Variants in OR1B1 observed in about 807,000 individuals in gnomAD.
OR1B1 encodes the protein olfactory receptor 1B1.
For synonymous variants in OR1B1, 168 were observed against 156.2 expected (o/e 1.08, Z -0.57); for missense variants, 414 against 402.1 (o/e 1.03, Z -0.25).
At chr9:122,647,808 G>A in the OR1B1 span, among the ~76,000 whole-genome samples, 1 of 152,190 alleles carries the variant, frequency 6.6e-6, no homozygotes, top group African/African-American at 2.4e-5. Context: ...GATGCCCAAA[G>A]CAAGCACTCA....
chr9:122,648,125 A>G, the OR1B1 span, among the ~76,000 whole-genome samples: 2 of 152,192 alleles, frequency 1.3e-5, no homozygotes, highest in African/African-American at 4.8e-5. Context: ...TTTCAGGCCA[A>G]TTTCCCTGAT....
the OR1B1 span, among the ~76,000 whole-genome samples, chr9:122,648,030 C>T: frequency 6.6e-6 from 1 of 151,984 alleles, no homozygotes; most frequent in Non-Finnish European, 1.5e-5. Context: ...AGCTCTGTAC[C>T]AGGCTAATGA....
chr9:122,646,184 A>C, the OR1B1 span, among the ~76,000 whole-genome samples: 3 of 152,170 alleles, frequency 2.0e-5, no homozygotes, highest in African/African-American at 7.2e-5. Flanking sequence ...AAATCAAAAA[A>C]CATATAATGG....
chr9:122,632,154 A>G (rs559821665), upstream of OR1B1, among the ~76,000 whole-genome samples: 135 of 152,322 alleles, frequency 8.9e-4, 1 homozygote, highest in Middle Eastern at 0.024. Flanking sequence ...TCTATTCATT[A>G]TGAAGATACT....
At chr9:122,628,477 G>A (rs1011703239), downstream of OR1B1, 9 of 736,158 alleles carry the variant, frequency 1.2e-5, no homozygotes, top group East Asian at 9.9e-5. Flanking sequence ...AGTTCCTTAA[G>A]TTATCTAGGC....
chr9:122,645,963 AAAT>A, the OR1B1 span, among the ~76,000 whole-genome samples: 1 of 152,174 alleles, frequency 6.6e-6, no homozygotes, highest in Non-Finnish European at 1.5e-5. Context: ...AAACCATCAA[AAAT>A]AATAACAACA....
chr9:122,654,400 T>C, the OR1B1 span, among the ~76,000 whole-genome samples: 1 of 152,230 alleles, frequency 6.6e-6, no homozygotes, highest in African/African-American at 2.4e-5. Flanking sequence ...GTTTCCTTCG[T>C]GGGAACTCAG....
the OR1B1 span, among the ~76,000 whole-genome samples, chr9:122,637,892 A>G: frequency 6.6e-6 from 1 of 152,220 alleles, no homozygotes; most frequent in African/African-American, 2.4e-5. Context: ...GTGGTATATA[A>G]CAGTGATGGC....
chr9:122,656,499 A>T, the OR1B1 span, among the ~76,000 whole-genome samples: 1 of 151,922 alleles, frequency 6.6e-6, no homozygotes, highest in Non-Finnish European at 1.5e-5. Context: ...AAAAAAAAAA[A>T]TGAGTCTGAC....
the OR1B1 span, among the ~76,000 whole-genome samples, chr9:122,650,823 A>T: frequency 6.6e-6 from 1 of 152,114 alleles, no homozygotes; most frequent in Non-Finnish European, 1.5e-5. Flanking sequence ...GGAGATCGAG[A>T]CCATCCTGGC....
At chr9:122,645,570 A>G in the OR1B1 span, among the ~76,000 whole-genome samples, 1,614 of 152,300 alleles carry the variant, frequency 0.011, 23 homozygotes, top group African/African-American at 0.036. Flanking sequence ...TGAAGCTCCA[A>G]TGCAACTGGC....
At chr9:122,656,890 G>C in the OR1B1 span, among the ~76,000 whole-genome samples, 1 of 151,966 alleles carries the variant, frequency 6.6e-6, no homozygotes, top group African/African-American at 2.4e-5. Context: ...AAAGCTATAA[G>C]CATTGGCACT....
chr9:122,634,068 G>A (rs997615876), upstream of OR1B1, among the ~76,000 whole-genome samples: 7 of 152,154 alleles, frequency 4.6e-5, no homozygotes, highest in Admixed American at 4.6e-4. Flanking sequence ...CAGGCATGGT[G>A]GCACATGCCT....
At chr9:122,649,443 AC>A in the OR1B1 span, among the ~76,000 whole-genome samples, 4 of 152,258 alleles carry the variant, frequency 2.6e-5, no homozygotes, top group Non-Finnish European at 5.9e-5. Context: ...AGCAAAAGAA[AC>A]TATCATCAGA....
chr9:122,646,841 T>C, the OR1B1 span, among the ~76,000 whole-genome samples: 37 of 151,990 alleles, frequency 2.4e-4, no homozygotes, highest in African/African-American at 8.7e-4. Context: ...GATGAACCAA[T>C]CAAAAATAAT....
At chr9:122,638,733 G>A in the OR1B1 span, among the ~76,000 whole-genome samples, 1 of 152,142 alleles carries the variant, frequency 6.6e-6, no homozygotes, top group African/African-American at 2.4e-5. Flanking sequence ...CTGACCCCAG[G>A]CAGGACCCAT....
At chr9:122,639,985 C>T in the OR1B1 span, among the ~76,000 whole-genome samples, 7 of 151,928 alleles carry the variant, frequency 4.6e-5, no homozygotes, top group Non-Finnish European at 7.4e-5. Context: ...TTCACGAAAC[C>T]TGCGGTTCTG....
chr9:122,645,476 C>T, the OR1B1 span, among the ~76,000 whole-genome samples: 41 of 151,922 alleles, frequency 2.7e-4, no homozygotes, highest in African/African-American at 9.9e-4. Flanking sequence ...GAAGACTCCC[C>T]CAAGGCATTT....
the OR1B1 span, among the ~76,000 whole-genome samples, chr9:122,657,012 A>G: frequency 6.6e-5 from 10 of 152,008 alleles, no homozygotes; most frequent in Non-Finnish European, 1.5e-4. Context: ...TTCAATACAT[A>G]TTTCTAGTTT....
Sources: gnomAD v4.1 joint callset for allele counts (sites outside exome capture counted in the v4.1 genomes callset) on GRCh38, gnomAD v4.1.1 for gene constraint, MANE v1.5 for transcripts, NCBI Gene and HGNC (gene_info 2026-07-23, HGNC 2026-07-21) for gene names.